The following BAIAP2L2 variants were observed in gnomAD, a reference collection of about 807,000 sequenced individuals.
The protein encoded by BAIAP2L2 is BAR/IMD domain-containing adapter protein 2-like 2.
Under a neutral mutation model 60.4 loss-of-function variants are expected in BAIAP2L2, and 65 were observed. That is an observed-to-expected ratio of 1.08 (90% CI 0.88 to 1.32). BAIAP2L2 has a LOEUF of 1.32. Ranked by LOEUF, BAIAP2L2 falls within the 40% of genes most tolerant of loss-of-function variation. The pLI is 0.00. For missense variants in BAIAP2L2, 836 were observed against 741.2 expected, an observed-to-expected ratio of 1.13 and a Z score of -1.48; for synonymous variants, 344 against 301.7, an observed-to-expected ratio of 1.14 and a Z score of -1.45.
chr22:38,087,858 A>C (rs2086144546), intron 10 of BAIAP2L2, among the ~76,000 whole-genome samples: 2 of 140,988 alleles, frequency 1.4e-5, no homozygotes, highest in African/African-American at 2.7e-5. Context: ...ACATCTGCGC[A>C]TCCTCCCATG....
intron 4 of BAIAP2L2, among the ~76,000 whole-genome samples, chr22:38,105,882 G>C (rs2146038110): frequency 6.6e-6 from 1 of 152,308 alleles, no homozygotes; most frequent in African/African-American, 2.4e-5. Context: ...AAATAAATGA[G>C]CTGCAGGTGG....
intron 1 of BAIAP2L2, among the ~76,000 whole-genome samples, chr22:38,110,120 G>GGAGAGAGA (rs1202491630): frequency 1.1e-4 from 2 of 18,884 alleles, no homozygotes; most frequent in East Asian, 1.3e-3. Context: ...AGAGAGAGAG[G>GGAGAGAGA]GAGAGAGAGA....
In BAIAP2L2 at chr22:38,085,744, G is replaced by C; in HGVS notation, c.1468-12C>G. On this transcript the variant is annotated splice_polypyrimidine_tract_variant and intron_variant, in intron 12 of 13. Coordinates refer to ENST00000381669, the MANE Select transcript of BAIAP2L2 (RefSeq NM_025045.6). ...GAGGACATCAGTTTCTGCAGTGGGG[G>C]TGGGGAAGGGCTGGTTTGGTGGGGA... The C allele has an allele frequency of 6.3e-7, 1 of 1,589,554 alleles. No individual in the cohort carries two copies. The highest frequency in any genetic ancestry group is 1.2e-5 in the South Asian group (1 of 86,168).
In BAIAP2L2 at chr22:38,085,130, G is replaced by C. The variant is rs2086015047; in HGVS notation, c.*170C>G. On this transcript the variant is annotated 3_prime_UTR_variant, in exon 14 of 14. Coordinates refer to ENST00000381669, the MANE Select transcript of BAIAP2L2 (RefSeq NM_025045.6). ...TTACTTTGAAGGTCTCGGACCCCAA[G>C]CCAGTGCTTTGGAGCTGCTCAGGCT... is the stretch of plus-strand genomic sequence containing the variant. 1 of 632,426 alleles carries C rather than the reference G, an allele frequency of 1.6e-6. No homozygotes were observed. Among genetic ancestry groups the C allele is most frequent in the South Asian group, 1.9e-5 (1 of 53,110 alleles). The allele number at this position is 632,426 out of a possible 1,614,324, so 39.2% of individuals were successfully genotyped here.
chr22:38,091,529 AAAATT>A (rs1467652090), intron 7 of BAIAP2L2: 1 of 152,212 alleles, frequency 6.6e-6, no homozygotes, highest in Non-Finnish European at 1.5e-5. Flanking sequence ...ATGTACCACA[AAAATT>A]AAAATAAATG....
At chr22:38,089,067 T>G (rs2086194456) in intron 9 of BAIAP2L2, 29 bp downstream of exon 9, 2 of 1,379,832 alleles carry the variant, frequency 1.4e-6, no homozygotes, top group Middle Eastern at 2.3e-4. Flanking sequence ...CTCCCGGCCC[T>G]CCTGCCGCCC....
chr22:38,093,030 G>A (rs1026756965), intron 7 of BAIAP2L2, among the ~76,000 whole-genome samples: 3 of 152,148 alleles, frequency 2.0e-5, no homozygotes, highest in Admixed American at 6.6e-5. Flanking sequence ...AACGGGCATG[G>A]TGGTGCATGC....
At chr22:38,099,801 A>C (rs1291013983) in intron 4 of BAIAP2L2, among the ~76,000 whole-genome samples, 1 of 152,176 alleles carries the variant, frequency 6.6e-6, no homozygotes, top group Admixed American at 6.5e-5. Flanking sequence ...GCCTCTGTCC[A>C]CACACCCTTT....
chr22:38,102,894 A>G (rs1185171255), intron 4 of BAIAP2L2, among the ~76,000 whole-genome samples: 2 of 151,952 alleles, frequency 1.3e-5, no homozygotes, highest in East Asian at 1.9e-4. Context: ...CAAAAAAAAA[A>G]AATTAGCCCG....
Position 38,098,002 on chromosome 22 carries a change from C to A in BAIAP2L2, c.465+61G>T, listed in dbSNP as rs1270005116. ...GCGTTCGGGGTTCCCAGGGCCCGGT[C>A]TCGCCCCGAGGTCTGCCCACCCGCC... is the stretch of plus-strand genomic sequence containing the variant. On this transcript the variant is annotated intron_variant, in intron 6 of 13. Coordinates refer to ENST00000381669, the MANE Select transcript of BAIAP2L2 (RefSeq NM_025045.6). 5.2e-6 allele frequency: 3 copies of A among 571,942 alleles called. No individual in the cohort carries two copies. The African/African-American group carries it at 5.9e-5, about 11-fold the overall frequency. The allele number at this position is 571,942 out of a possible 1,614,324, so 35.4% of individuals were successfully genotyped here.
chr22:38,110,581 C>A lies in BAIAP2L2; in HGVS notation c.-56G>T, dbSNP rs183180771. 6.0e-6 allele frequency: 9 copies of A among 1,494,148 alleles called. No homozygotes were observed. The highest frequency in any genetic ancestry group is 8.3e-6 in the Non-Finnish European group (9 of 1,090,588). 92.6% of individuals were successfully genotyped at this position (1,494,148 alleles called of 1,614,324 possible). A position where few individuals can be genotyped will look rare whatever the true frequency, so the allele number is the denominator to read the frequency against. On this transcript the variant is annotated 5_prime_UTR_variant, in exon 1 of 14. Coordinates refer to ENST00000381669, the MANE Select transcript of BAIAP2L2 (RefSeq NM_025045.6). ...CTGGGAGCTGGTGGCGATGGCACAG[C>A]CGGGAGCAGTGGTAGGTAGTCCCTC...
At position 38,085,020 on chromosome 22, in the gene BAIAP2L2, T is replaced by C. The variant is rs146229052; in HGVS notation, c.*280A>G. On this transcript the variant is annotated 3_prime_UTR_variant, in exon 14 of 14. Coordinates refer to ENST00000381669, the MANE Select transcript of BAIAP2L2 (RefSeq NM_025045.6). ...GGGGGCAGAAAAGGGGGAAAGAGGT[T>C]AGGGGGCAAGAGGTGGGCCCCCCAG... 9,116 of 420,380 alleles carry C rather than the reference T, an allele frequency of 0.022. 248 individuals carry two copies. Among genetic ancestry groups the C allele is most frequent in the Admixed American group, 0.11 (2,944 of 26,084 alleles). The allele number at this position is 420,380 out of a possible 1,614,324, so 26.0% of individuals were successfully genotyped here.
Position 38,093,970 on chromosome 22 carries a change from A to G in BAIAP2L2, c.612+3062T>C, listed in dbSNP as rs1005100922. ...CGTCCATCAGCTAACATCTGAGTAA[A>G]TACATCGAGTAAACGAGTAAATACA... On this transcript the variant is annotated intron_variant, in intron 7 of 13. Coordinates refer to ENST00000381669, the MANE Select transcript of BAIAP2L2 (RefSeq NM_025045.6). 8 of 456,490 alleles carry G rather than the reference A, an allele frequency of 1.8e-5. No individual in the cohort carries two copies. The East Asian group carries it at 2.8e-4, about 16-fold the overall frequency. The allele number at this position is 456,490 out of a possible 1,614,324, so 28.3% of individuals were successfully genotyped here.
chr22:38,109,016 G>T, intron 2 of BAIAP2L2, 117 bp downstream of exon 2: 1 of 889,088 alleles, frequency 1.1e-6, no homozygotes, highest in East Asian at 2.5e-5. Context: ...TGGTGGGTAG[G>T]AGGGTGTAGG....
intron 7 of BAIAP2L2, chr22:38,093,912 G>C (rs1020605265): frequency 4.4e-6 from 2 of 456,408 alleles, no homozygotes; most frequent in Non-Finnish European, 8.8e-6. Flanking sequence ...GCGCAGCAGT[G>C]GTCATGACAG....
At chr22:38,110,718 T>C (rs1460725303), upstream of BAIAP2L2, 2 of 573,554 alleles carry the variant, frequency 3.5e-6, no homozygotes, top group African/African-American at 1.9e-5. Flanking sequence ...GATGTCAGAA[T>C]GTGATCTGGG....
At position 38,087,164 on chromosome 22, in the gene BAIAP2L2, GGGACA is replaced by G; in HGVS notation, c.1214_1218del (p.Met405ThrfsTer26). On this transcript the variant is annotated frameshift_variant, in exon 11 of 14. Coordinates refer to ENST00000381669, the MANE Select transcript of BAIAP2L2 (RefSeq NM_025045.6). LOFTEE classifies it high-confidence loss of function. ...TTCCCGGGGTTCATGGGTGTCATGG[GGGACA>G]TGGAGGTCATGGAGGTCATGGGGGT... 1.3e-6 allele frequency: 2 copies of G among 1,564,458 alleles called. No individual in the cohort carries two copies. Among genetic ancestry groups the G allele is most frequent in the Admixed American group, 1.8e-5 (1 of 55,848 alleles).
At chr22:38,098,383 G>T (rs1377675447) in intron 5 of BAIAP2L2, 28 bp downstream of exon 5, 1 of 1,607,426 alleles carries the variant, frequency 6.2e-7, no homozygotes, top group East Asian at 2.2e-5. Flanking sequence ...GCAGTGAGTT[G>T]GGGGCCGAGT....
intron 7 of BAIAP2L2, chr22:38,091,510 A>G (rs916487874): frequency 6.6e-6 from 1 of 152,218 alleles, no homozygotes; most frequent in Admixed American, 6.5e-5. Context: ...ATAAATATAT[A>G]CACCTACTAT....
Sources: allele counts gnomAD v4.1 joint callset (sites outside exome capture counted in the v4.1 genomes callset), GRCh38; gene constraint gnomAD v4.1.1; transcripts MANE v1.5; gene names NCBI Gene and HGNC (gene_info 2026-07-23, HGNC 2026-07-21).